Variants in CNTNAP2 observed in about 807,000 individuals in gnomAD.
CNTNAP2 encodes contactin associated protein 2.
Under a neutral mutation model 155.2 loss-of-function variants are expected in CNTNAP2, and 98 were observed. The ratio of observed to expected loss-of-function variants is 0.63; its 90% confidence interval spans 0.54 to 0.75. CNTNAP2 has a LOEUF of 0.75. Among genes scored for constraint, CNTNAP2 ranks in the 30% least tolerant of loss-of-function variants. The pLI, the probability that CNTNAP2 is intolerant of heterozygous loss-of-function variation, is 0.00. For synonymous variants in CNTNAP2, 651 were observed against 631.2 expected, an observed-to-expected ratio of 1.03 and a Z score of -0.47; for missense variants, 1,727 against 1,688.1, an observed-to-expected ratio of 1.02 and a Z score of -0.40.
chr7:146,963,071 G>A (rs1797586668), intron 3 of CNTNAP2: 1 of 152,196 alleles, frequency 6.6e-6, no homozygotes, highest in African/African-American at 2.4e-5. Flanking sequence ...GTGGGACAGA[G>A]CCAGGACTAT....
intron 1 of CNTNAP2, among the ~76,000 whole-genome samples, chr7:146,721,889 A>ATATTTTTTTTTT: frequency 1.4e-5 from 1 of 69,736 alleles, no homozygotes; most frequent in African/African-American, 1.9e-4. Flanking sequence ...ATATATATAT[A>ATATTTTTTTTTT]TTTTTTTTTT....
chr7:148,313,787 A>T (rs948044511), intron 21 of CNTNAP2, among the ~76,000 whole-genome samples: 1 of 152,192 alleles, frequency 6.6e-6, no homozygotes, highest in Non-Finnish European at 1.5e-5. Flanking sequence ...TAAAATGTAT[A>T]TTGAGAATAA....
intron 13 of CNTNAP2, among the ~76,000 whole-genome samples, chr7:147,705,500 C>A (rs1054676552): frequency 8.5e-5 from 13 of 152,082 alleles, no homozygotes; most frequent in African/African-American, 3.1e-4. Context: ...GTTCCATGTA[C>A]TGATGGGAAG....
At chr7:146,356,828 T>C (rs947453268) in intron 1 of CNTNAP2, among the ~76,000 whole-genome samples, 1 of 152,126 alleles carries the variant, frequency 6.6e-6, no homozygotes, top group Non-Finnish European at 1.5e-5. Flanking sequence ...ACACGCACTT[T>C]CTTTAAACAT....
chr7:147,610,470 C>A (rs989332132), intron 12 of CNTNAP2, among the ~76,000 whole-genome samples: 2 of 152,150 alleles, frequency 1.3e-5, no homozygotes, highest in African/African-American at 4.8e-5. Flanking sequence ...ATTTGCTGTT[C>A]TCCAGGTGCC....
intron 4 of CNTNAP2, among the ~76,000 whole-genome samples, chr7:147,104,604 C>G (rs1311921429): frequency 6.6e-6 from 1 of 151,030 alleles, no homozygotes; most frequent in Non-Finnish European, 1.5e-5. Context: ...AAAAGTAACT[C>G]TTGAATATTT....
At chr7:148,278,006 C>T (rs968856945) in intron 21 of CNTNAP2, among the ~76,000 whole-genome samples, 3 of 152,144 alleles carry the variant, frequency 2.0e-5, no homozygotes, top group African/African-American at 4.8e-5. Flanking sequence ...GGCAGAGACA[C>T]GAGAGAACAA....
intron 9 of CNTNAP2, among the ~76,000 whole-genome samples, chr7:147,332,543 G>GA (rs561711876): frequency 2.0e-5 from 3 of 151,548 alleles, no homozygotes; most frequent in Non-Finnish European, 4.4e-5. Context: ...GAAAATAGCT[G>GA]AAAAAAAAGA....
chr7:146,118,856 T>G (rs1043218921), intron 1 of CNTNAP2, among the ~76,000 whole-genome samples: 46 of 152,150 alleles, frequency 3.0e-4, no homozygotes, highest in Admixed American at 2.9e-3. Context: ...TCTCTATTGT[T>G]TAAAAATGTG....
chr7:147,899,745 T>C (rs1799832065), intron 13 of CNTNAP2, among the ~76,000 whole-genome samples: 1 of 151,652 alleles, frequency 6.6e-6, no homozygotes, highest in South Asian at 2.1e-4. Context: ...ATTAGCTGGG[T>C]GTGGTGGTGC....
At chr7:148,073,623 T>A (rs1239397880) in intron 15 of CNTNAP2, among the ~76,000 whole-genome samples, 9 of 152,232 alleles carry the variant, frequency 5.9e-5, no homozygotes, top group Non-Finnish European at 5.9e-5. Flanking sequence ...ATTGTAATTG[T>A]TCTATCTTAT....
intron 10 of CNTNAP2, among the ~76,000 whole-genome samples, chr7:147,453,426 C>A (rs542359128): frequency 6.6e-6 from 1 of 152,148 alleles, no homozygotes; most frequent in Admixed American, 6.6e-5. Context: ...CTCCCCATTA[C>A]GGTGTGATCT....
At chr7:146,548,125 C>T (rs1421460132) in intron 1 of CNTNAP2, among the ~76,000 whole-genome samples, 1 of 151,892 alleles carries the variant, frequency 6.6e-6, no homozygotes, top group East Asian at 1.9e-4. Flanking sequence ...ACCCTCCACT[C>T]TCTTTTGAAA....
rs12672922 is a variant in CNTNAP2 at position 147,033,742 on chromosome 7, T to A, written c.403-10165T>A. On this transcript the variant is annotated intron_variant, in intron 3 of 23. Transcript: ENST00000361727. The stretch of plus-strand genomic sequence containing the variant: ...CACAGCTGACTTACATACTTCTGAA[T>A]CAGTTAGGGAGTTAATCAAAAACAT... 2.2e-3 allele frequency among the ~76,000 whole-genome samples: 337 copies of A among 150,220 alleles called. 11 individuals are homozygous for A. In the East Asian group the frequency reaches 0.056, roughly 25 times the overall value.
chr7:146,852,589 T>C (rs1794899439), intron 3 of CNTNAP2, among the ~76,000 whole-genome samples: 2 of 152,140 alleles, frequency 1.3e-5, no homozygotes, highest in Non-Finnish European at 2.9e-5. Flanking sequence ...ATGTAATTCT[T>C]TGAGATATAG....
chr7:148,318,696 C>T (rs1350967682), intron 21 of CNTNAP2, among the ~76,000 whole-genome samples: 1 of 152,168 alleles, frequency 6.6e-6, no homozygotes, highest in Non-Finnish European at 1.5e-5. Context: ...AAATGAGTTT[C>T]GTGGTCCGAA....
At chr7:146,355,773 G>T (rs1182365453) in intron 1 of CNTNAP2, among the ~76,000 whole-genome samples, 2 of 152,036 alleles carry the variant, frequency 1.3e-5, no homozygotes, top group Non-Finnish European at 2.9e-5. Context: ...TTTAAATTTT[G>T]GATGTGTTGG....
chr7:146,612,515 AT>A (rs149664402), intron 1 of CNTNAP2, among the ~76,000 whole-genome samples: 4,497 of 152,274 alleles, frequency 0.03, 235 homozygotes, highest in African/African-American at 0.1. Context: ...CAAGCCAGAG[AT>A]TATGAGTATC....
At chr7:147,714,253 A>C (rs1185369623) in intron 13 of CNTNAP2, among the ~76,000 whole-genome samples, 1 of 152,088 alleles carries the variant, frequency 6.6e-6, no homozygotes, top group East Asian at 1.9e-4. Context: ...TTTTTATACT[A>C]CTGCTAAGGA....
Sources: gnomAD v4.1 joint callset for allele counts (sites outside exome capture counted in the v4.1 genomes callset) on GRCh38, gnomAD v4.1.1 for gene constraint, MANE v1.5 for transcripts, NCBI Gene and HGNC (gene_info 2026-07-23, HGNC 2026-07-21) for gene names.